CEP112: variants seen among roughly 807,000 people sequenced by gnomAD.
The protein encoded by CEP112 is centrosomal protein 112.
A neutral mutation model predicts 153.0 loss-of-function variants in CEP112; 127 were observed. That is an observed-to-expected ratio of 0.83 (90% CI 0.72 to 0.96). CEP112 has a LOEUF of 0.96. CEP112 is among the 40% of genes least tolerant of loss of function. The probability of loss-of-function intolerance (pLI) is 0.00; values close to 1 mark genes in which losing one functional copy is unlikely to be tolerated. For missense variants in CEP112, 1,089 were observed against 1,101.2 expected (o/e 0.99, Z 0.16); for synonymous variants, 358 against 374.4 (o/e 0.96, Z 0.51).
At chr17:65,665,388 C>G (rs2143933042) in intron 24 of CEP112, among the ~76,000 whole-genome samples, 1 of 152,328 alleles carries the variant, frequency 6.6e-6, no homozygotes, top group East Asian at 1.9e-4. Flanking sequence ...CAAGGGTGTG[C>G]TTCATTAACC....
intron 17 of CEP112, among the ~76,000 whole-genome samples, chr17:65,970,931 T>G (rs1175704910): frequency 8.3e-6 from 1 of 120,802 alleles, no homozygotes; most frequent in Admixed American, 9.9e-5. Flanking sequence ...ATGCAGTTAT[T>G]GCACCCATAT....
At chr17:65,737,108 T>C (rs2050847624) in intron 23 of CEP112, among the ~76,000 whole-genome samples, 1 of 152,206 alleles carries the variant, frequency 6.6e-6, no homozygotes. Context: ...AGAAGTCAAA[T>C]AGACTTCTCA....
chr17:66,185,063 G>A (rs2072870701), intron 1 of CEP112, among the ~76,000 whole-genome samples: 1 of 152,186 alleles, frequency 6.6e-6, no homozygotes. Flanking sequence ...AGCAGCTCAT[G>A]GGGATAGCAG....
rs8082591 is a variant in CEP112, at chr17:65,936,950, C to T, written c.1873-9261G>A. 3.3e-3 allele frequency among the ~76,000 whole-genome samples: 494 copies of T among 151,162 alleles called. 3 individuals carry two copies. The highest frequency in any genetic ancestry group is 0.012 in the African/African-American group (476 of 41,236). On this transcript the variant is annotated intron_variant, in intron 18 of 26. Transcript: ENST00000535342. Reference sequence around the variant, plus strand: ...CCTGCCTCAGCCTGCCGAGTGCCTGCGATTGCAGGCGCACGTCACCACGCC... The same window carrying T: ...CCTGCCTCAGCCTGCCGAGTGCCTGTGATTGCAGGCGCACGTCACCACGCC...
intron 20 of CEP112, among the ~76,000 whole-genome samples, chr17:65,887,643 G>C (rs1695816654): frequency 6.6e-6 from 1 of 152,144 alleles, no homozygotes; most frequent in South Asian, 2.1e-4. Flanking sequence ...GCTCAGGCAG[G>C]GATGCAGGAG....
chr17:65,702,523 GGAAA>G (rs1278142384), intron 23 of CEP112, among the ~76,000 whole-genome samples: 3 of 152,112 alleles, frequency 2.0e-5, no homozygotes, highest in African/African-American at 7.2e-5. Context: ...TTGTGAGAGA[GGAAA>G]GAAAGAGAGA....
At chr17:65,651,049 A>G (rs2143606218) in intron 24 of CEP112, among the ~76,000 whole-genome samples, 1 of 152,254 alleles carries the variant, frequency 6.6e-6, no homozygotes, top group East Asian at 1.9e-4. Context: ...TGAGCAGTGT[A>G]CACTGAACCC....
chr17:65,803,726 C>G (rs993051620), intron 21 of CEP112, among the ~76,000 whole-genome samples: 1 of 152,178 alleles, frequency 6.6e-6, no homozygotes, highest in African/African-American at 2.4e-5. Context: ...TTAGAAGTTT[C>G]TAGTACTATA....
At chr17:65,897,331 T>A (rs371280832) in intron 20 of CEP112, among the ~76,000 whole-genome samples, 2 of 152,154 alleles carry the variant, frequency 1.3e-5, no homozygotes, top group South Asian at 2.1e-4. Flanking sequence ...ACTATTTTGG[T>A]TATGCAGGTA....
intron 21 of CEP112, among the ~76,000 whole-genome samples, chr17:65,817,107 G>T (rs777921668): frequency 1.9e-4 from 29 of 151,748 alleles, no homozygotes; most frequent in Non-Finnish European, 3.4e-4. Flanking sequence ...AAAATATTTT[G>T]TGTGTGAACA....
At position 66,188,745 on chromosome 17, in the gene CEP112, T is replaced by C. The variant is rs142906563; in HGVS notation, c.-9+3252A>G. ...TTTGTTTGGTTGGTTTTGTTTTACATGTATACAATATATTCCATCAGTTAT... is the reference window on the plus strand; with the variant it reads ...TTTGTTTGGTTGGTTTTGTTTTACACGTATACAATATATTCCATCAGTTAT... On this transcript the variant is annotated intron_variant, in intron 1 of 26. Coordinates refer to ENST00000535342, the MANE Select transcript of CEP112 (RefSeq NM_001199165.4). Among the ~76,000 whole-genome samples, 939 of 152,324 alleles carry C rather than the reference T, an allele frequency of 6.2e-3. 10 individuals carry two copies. The highest frequency in any genetic ancestry group is 0.021 in the African/African-American group (890 of 41,576).
intron 22 of CEP112, among the ~76,000 whole-genome samples, chr17:65,747,641 ATTCTT>A (rs796589940): frequency 1.3e-5 from 2 of 152,296 alleles, no homozygotes; most frequent in South Asian, 2.1e-4. Context: ...CATCGTCTCC[ATTCTT>A]TTCTTAAGAT....
intron 23 of CEP112, among the ~76,000 whole-genome samples, chr17:65,701,903 T>C (rs556947922): frequency 6.7e-6 from 1 of 148,152 alleles, no homozygotes; most frequent in Admixed American, 6.7e-5. Flanking sequence ...TTTTTGTTTT[T>C]TTTTTTTTTT....
intron 4 of CEP112, among the ~76,000 whole-genome samples, chr17:66,140,080 T>C (rs894816874): frequency 6.6e-6 from 1 of 152,150 alleles, no homozygotes; most frequent in Non-Finnish European, 1.5e-5. Flanking sequence ...TCATACACCA[T>C]AATCAAGTGG....
At position 66,191,292 on chromosome 17, in the gene CEP112, G is replaced by A. The variant is rs2073153650; in HGVS notation, c.-9+705C>T. 6.6e-6 allele frequency among the ~76,000 whole-genome samples: 1 copy of A among 152,134 alleles called. No individual in the cohort carries two copies. The highest frequency in any genetic ancestry group is 1.5e-5 in the Non-Finnish European group (1 of 68,028). ...GCTGCAGCCTGACCACTGTGGAGAG[G>A]CTCATGGAATTTAATGTGCCTTTTC... On this transcript the variant is annotated intron_variant, in intron 1 of 26. Transcript: ENST00000535342. The surrounding 1 kb of genome is among the most constrained non-coding windows in gnomAD (Gnocchi z 4.2).
intron 12 of CEP112, among the ~76,000 whole-genome samples, chr17:66,035,189 T>A (rs1167837398): frequency 6.6e-6 from 1 of 151,452 alleles, no homozygotes; most frequent in Admixed American, 6.6e-5. Flanking sequence ...AAAAAAATTA[T>A]CAGATCTGAA....
chr17:66,168,503 GTA>G (rs1356716108), intron 4 of CEP112, among the ~76,000 whole-genome samples: 43 of 146,298 alleles, frequency 2.9e-4, no homozygotes, highest in Admixed American at 9.0e-4. Flanking sequence ...GTATATATAT[GTA>G]TATATGTGTG....
At chr17:65,766,458 A>G (rs1044412321) in intron 21 of CEP112, among the ~76,000 whole-genome samples, 3 of 151,016 alleles carry the variant, frequency 2.0e-5, no homozygotes, top group Non-Finnish European at 4.4e-5. Flanking sequence ...ATGAAGGCAA[A>G]TCAGAAAGGA....
At chr17:66,183,617 T>A (rs537021744) in intron 1 of CEP112, among the ~76,000 whole-genome samples, 1 of 152,240 alleles carries the variant, frequency 6.6e-6, no homozygotes, top group Non-Finnish European at 1.5e-5. Flanking sequence ...CAATTGGTAT[T>A]GGTGAAAGGA....
Sources: allele counts gnomAD v4.1 joint callset (sites outside exome capture counted in the v4.1 genomes callset), GRCh38; gene constraint gnomAD v4.1.1; non-coding constraint Gnocchi (gnomAD v3.1); transcripts MANE v1.5; gene names NCBI Gene and HGNC (gene_info 2026-07-23, HGNC 2026-07-21).